Variants in POLA1 observed in about 807,000 individuals in gnomAD.
The protein encoded by POLA1 is DNA polymerase alpha catalytic subunit.
POLA1 carries 15 observed loss-of-function variants against 124.0 expected under a neutral mutation model. The observed-to-expected ratio is 0.12, with a 90% CI of 0.08 to 0.19. The LOEUF (loss-of-function observed/expected upper bound fraction) is 0.19, where lower values mean the gene tolerates loss of function less well. POLA1 is among the 10% of genes least tolerant of loss of function. POLA1 has a pLI of 1.00. For missense variants in POLA1, 886 were observed against 1,103.4 expected, an observed-to-expected ratio of 0.80 and a Z score of 2.79; for synonymous variants, 408 against 389.4, an observed-to-expected ratio of 1.05 and a Z score of -0.56.
At chrX:24,986,127 G>A (rs1001565962) in intron 36 of POLA1, among the ~76,000 whole-genome samples, 7 of 111,441 alleles carry the variant, frequency 6.3e-5, no homozygotes, top group Admixed American at 2.8e-4. Flanking sequence ...AGCCGAGATC[G>A]CGCCATTGCA....
chrX:24,738,837 T>A (rs1931460499), intron 19 of POLA1, among the ~76,000 whole-genome samples: 1 of 112,169 alleles, frequency 8.9e-6, no homozygotes. Context: ...TGTACCTTTT[T>A]CGTAATGTTC....
At position 24,695,466 on chromosome X, in the gene POLA1, A is replaced by G. The variant is rs376609596; in HGVS notation, c.43+1462A>G. Reference sequence around the variant, plus strand: ...TAGCTGTTACTATATATGAAAAAAGATCAGGGAATTTTTATTTATTTATTT... The same window carrying G: ...TAGCTGTTACTATATATGAAAAAAGGTCAGGGAATTTTTATTTATTTATTT... On this transcript the variant is annotated intron_variant, in intron 1 of 36. Transcript: ENST00000379068. Among the ~76,000 whole-genome samples the G allele has an allele frequency of 3.6e-5, 4 of 110,757 alleles. No homozygotes were observed. In the East Asian group the frequency reaches 8.5e-4, roughly 23 times the overall value.
chrX:24,856,481 G>A (rs1039876037), intron 34 of POLA1, among the ~76,000 whole-genome samples: 4 of 111,816 alleles, frequency 3.6e-5, no homozygotes, highest in African/African-American at 9.8e-5. Flanking sequence ...TTGTCAGTGC[G>A]TAAGTTTTCA....
rs752734668 is a variant in POLA1 at position 24,765,090 on chromosome X, CCCCTGCTTTAGTCCAG to C, written c.2964+16101_2964+16116del. Among the ~76,000 whole-genome samples the C allele has an allele frequency of 1.6e-4, 18 of 110,770 alleles. No homozygotes were observed. In the South Asian group the frequency reaches 5.5e-3, roughly 34 times the overall value. ...CCTACCTGCTGCTCCCTCACCTGCA[CCCCTGCTTTAGTCCAG>C]CCACATGGGCTACCCTGTTCTTTCA... On this transcript the variant is annotated intron_variant, in intron 26 of 36. Coordinates refer to ENST00000379068, the MANE Select transcript of POLA1 (RefSeq NM_001330360.2).
chrX:24,952,427 T>A (rs1260946824), intron 36 of POLA1, among the ~76,000 whole-genome samples: 1 of 112,071 alleles, frequency 8.9e-6, no homozygotes, highest in African/African-American at 3.2e-5. Context: ...CTTCAAGTGT[T>A]TGACCTGTTT....
In POLA1 at chrX:24,717,736, T is replaced by C; in HGVS notation, c.1065T>C (p.Tyr355=). The change falls in exon 10 of 37, where the codon TAT becomes TAC. Residue 355 remains tyrosine, a synonymous_variant. Coordinates refer to ENST00000379068, the MANE Select transcript of POLA1 (RefSeq NM_001330360.2). ...TCCACTTTTATTGGTTGGATGCTTA[T>C]GAGGATCAGTACAACCAACCAGGTA... ...QVFHFYWLDA[Y]EDQYNQPGVV... 8.3e-7 allele frequency: 1 copy of C among 1,203,531 alleles called. No homozygotes were observed. Among genetic ancestry groups the C allele is most frequent in the Non-Finnish European group, 1.1e-6 (1 of 889,666 alleles).
intron 26 of POLA1, among the ~76,000 whole-genome samples, chrX:24,763,209 A>G (rs970609675): frequency 5.4e-5 from 6 of 111,385 alleles, no homozygotes; most frequent in Non-Finnish European, 9.4e-5. Flanking sequence ...GACTAGTGTG[A>G]TGGCAGTCAG....
chrX:24,810,213 T>C (rs2045875376), intron 27 of POLA1, among the ~76,000 whole-genome samples: 2 of 111,472 alleles, frequency 1.8e-5, no homozygotes, highest in Admixed American at 9.6e-5. Context: ...CTAGTGTTGT[T>C]TGTTATGATT....
intron 26 of POLA1, among the ~76,000 whole-genome samples, chrX:24,791,232 A>G (rs113438939): frequency 1.8e-5 from 2 of 111,148 alleles, no homozygotes; most frequent in African/African-American, 3.3e-5. Context: ...TGTGTCATCT[A>G]TCCTCATTCC....
chrX:24,952,392 T>A (rs925410211), intron 36 of POLA1, among the ~76,000 whole-genome samples: 1 of 112,255 alleles, frequency 8.9e-6, no homozygotes, highest in Non-Finnish European at 1.9e-5. Flanking sequence ...AGTATGTACC[T>A]CCATGATGCA....
At chrX:24,854,223 T>C (rs2046607643) in intron 34 of POLA1, among the ~76,000 whole-genome samples, 1 of 110,758 alleles carries the variant, frequency 9.0e-6, no homozygotes, top group South Asian at 4.0e-4. Context: ...TTTTTGTATT[T>C]TTAGTAGAGA....
chrX:24,728,223 C>T (rs1176958130), intron 15 of POLA1, among the ~76,000 whole-genome samples: 1 of 112,380 alleles, frequency 8.9e-6, no homozygotes, highest in Non-Finnish European at 1.9e-5. Context: ...ACCAATCACT[C>T]ATATTCAGCA....
intron 34 of POLA1, among the ~76,000 whole-genome samples, chrX:24,856,189 A>C (rs1371599267): frequency 8.9e-6 from 1 of 111,817 alleles, no homozygotes; most frequent in African/African-American, 3.2e-5. Flanking sequence ...CCCTCCTGCT[A>C]TTCCTTTATA....
intron 34 of POLA1, among the ~76,000 whole-genome samples, chrX:24,879,205 C>T (rs1044677582): frequency 1.8e-5 from 2 of 111,323 alleles, no homozygotes; most frequent in Non-Finnish European, 3.8e-5. Context: ...GGTTTCATCA[C>T]TAAAACATTA....
At chrX:24,837,189 A>G (rs899040015) in intron 32 of POLA1, among the ~76,000 whole-genome samples, 1 of 112,058 alleles carries the variant, frequency 8.9e-6, no homozygotes, top group African/African-American at 3.2e-5. Context: ...ACAATCAGTT[A>G]TCTAGGCACA....
At chrX:24,909,833 G>C (rs1174963964) in intron 35 of POLA1, among the ~76,000 whole-genome samples, 1 of 109,373 alleles carries the variant, frequency 9.1e-6, no homozygotes, top group East Asian at 2.9e-4. Flanking sequence ...GGGCAGTATG[G>C]CCATTTTCAC....
At chrX:24,728,125 T>A (rs1347314957) in intron 15 of POLA1, among the ~76,000 whole-genome samples, 189 bp downstream of exon 15, 2 of 112,680 alleles carry the variant, frequency 1.8e-5, no homozygotes, top group African/African-American at 6.5e-5. Flanking sequence ...CTTAAATTGC[T>A]GAACTTATTT....
rs1217515133 is a variant in POLA1 at position 24,694,020 on chromosome X, G to T, written c.43+16G>T. ...GGGGCGAGTGGTGAGGGACAATTCC[G>T]CGCGCGGGGCTCCGGGTTGGGACAG... On this transcript the variant is annotated intron_variant, in intron 1 of 36. Coordinates refer to ENST00000379068, the MANE Select transcript of POLA1 (RefSeq NM_001330360.2). 8.6e-7 allele frequency: 1 copy of T among 1,167,642 alleles called. No homozygotes were observed. The highest frequency in any genetic ancestry group is 1.1e-6 in the Non-Finnish European group (1 of 869,722).
At chrX:24,832,793 A>G (rs1033204287) in intron 32 of POLA1, among the ~76,000 whole-genome samples, 10 of 111,847 alleles carry the variant, frequency 8.9e-5, no homozygotes, top group Non-Finnish European at 1.7e-4. Flanking sequence ...TAAGGTGATG[A>G]ATTATAGGTT....
Sources: gnomAD v4.1 joint callset for allele counts (sites outside exome capture counted in the v4.1 genomes callset) on GRCh38, gnomAD v4.1.1 for gene constraint, MANE v1.5 for transcripts, NCBI Gene and HGNC (gene_info 2026-07-23, HGNC 2026-07-21) for gene names.